FARS2: variants seen among roughly 807,000 people sequenced by gnomAD.
FARS2 encodes the protein phenylalanyl-tRNA synthetase 2, mitochondrial.
A neutral mutation model predicts 46.4 loss-of-function variants in FARS2; 40 were observed. That is an observed-to-expected ratio of 0.86 (90% confidence interval 0.67 to 1.12). FARS2 has a LOEUF of 1.12. Among genes scored for constraint, FARS2 ranks in the 50% most tolerant of loss-of-function variants. The pLI is 0.00. For synonymous variants in FARS2, 234 were observed against 214.9 expected (o/e 1.09, Z -0.78); for missense variants, 513 against 567.9 (o/e 0.90, Z 0.98).
chr6:5,757,892 CTG>C (rs1202048731), intron 6 of FARS2, among the ~76,000 whole-genome samples: 1 of 152,214 alleles, frequency 6.6e-6, no homozygotes, highest in Non-Finnish European at 1.5e-5. Context: ...TTTACCAACA[CTG>C]TGTGATGGCA....
chr6:5,303,927 G>C (rs1418747772), intron 1 of FARS2, among the ~76,000 whole-genome samples: 3 of 152,052 alleles, frequency 2.0e-5, no homozygotes, highest in Non-Finnish European at 4.4e-5. Flanking sequence ...AACACCTCCA[G>C]GTGGCTCTCC....
At chr6:5,270,461 T>C (rs1276583945) in intron 1 of FARS2, among the ~76,000 whole-genome samples, 7 of 152,350 alleles carry the variant, frequency 4.6e-5, no homozygotes, top group African/African-American at 1.4e-4. Flanking sequence ...ATAAGTGTGG[T>C]TCGCTAGAGC....
chr6:5,376,758 G>A (rs950586470), intron 2 of FARS2, among the ~76,000 whole-genome samples: 1 of 152,086 alleles, frequency 6.6e-6, no homozygotes, highest in Non-Finnish European at 1.5e-5. Context: ...AAACATGCCC[G>A]ACAATGTGTG....
rs1410021630 is a variant in FARS2 at position 5,343,742 on chromosome 6, G to A, written c.-21-24808G>A. Among the ~76,000 whole-genome samples, 1 of 152,204 alleles carries A rather than the reference G, an allele frequency of 6.6e-6. No homozygotes were observed. Among genetic ancestry groups the A allele is most frequent in the East Asian group, 1.9e-4 (1 of 5,200 alleles). On this transcript the variant is annotated intron_variant, in intron 1 of 6. Transcript: ENST00000274680. This position sits in a 1 kb window ranked among gnomAD's most constrained non-coding sequence, Gnocchi z 4.5. Reference sequence around the variant, plus strand: ...ATGGGTTCTGTCTAGGGATTCTCCTGTGGGAGGGAGAGGACCTTTGTCTTG... The same window carrying A: ...ATGGGTTCTGTCTAGGGATTCTCCTATGGGAGGGAGAGGACCTTTGTCTTG...
chr6:5,707,131 T>C (rs1295870183), intron 6 of FARS2, among the ~76,000 whole-genome samples: 6 of 152,230 alleles, frequency 3.9e-5, no homozygotes, highest in Non-Finnish European at 7.3e-5. Context: ...CATCATCTTG[T>C]TGCCATATTT....
intron 6 of FARS2, among the ~76,000 whole-genome samples, chr6:5,632,295 A>T (rs1776328152): frequency 6.6e-6 from 1 of 152,200 alleles, no homozygotes; most frequent in African/African-American, 2.4e-5. Flanking sequence ...AGGATATGCT[A>T]CAAATCTATT....
At chr6:5,305,577 A>G (rs55991641) in intron 1 of FARS2, among the ~76,000 whole-genome samples, 24,117 of 152,158 alleles carry the variant, frequency 0.16, 2,026 homozygotes, top group Middle Eastern at 0.21. Context: ...ATTGAATGAG[A>G]CCTCCTTGTT....
intron 6 of FARS2, among the ~76,000 whole-genome samples, chr6:5,756,607 A>G (rs866840773): frequency 1.1e-4 from 16 of 152,310 alleles, no homozygotes; most frequent in East Asian, 5.8e-4. Flanking sequence ...CCATCATCCA[A>G]TCACTTCCCA....
At chr6:5,599,460 G>T (rs1214257934) in intron 5 of FARS2, among the ~76,000 whole-genome samples, 1 of 152,048 alleles carries the variant, frequency 6.6e-6, no homozygotes, top group African/African-American at 2.4e-5. Flanking sequence ...TTATTTAACC[G>T]AAAAAAATGA....
chr6:5,269,353 G>T (rs1464755330), intron 1 of FARS2, among the ~76,000 whole-genome samples: 2 of 151,078 alleles, frequency 1.3e-5, no homozygotes, highest in Non-Finnish European at 2.9e-5. Flanking sequence ...TTGGGGGAGG[G>T]GGGAGGGATA....
intron 6 of FARS2, among the ~76,000 whole-genome samples, chr6:5,742,238 G>A (rs1392490284): frequency 6.6e-6 from 1 of 152,186 alleles, no homozygotes; most frequent in Non-Finnish European, 1.5e-5. Context: ...CATTTGGGGT[G>A]CAGCTTTCAC....
chr6:5,331,571 A>G (rs1439549087), intron 1 of FARS2, among the ~76,000 whole-genome samples: 3 of 152,164 alleles, frequency 2.0e-5, no homozygotes, highest in Admixed American at 2.0e-4. Flanking sequence ...TGCAATAACA[A>G]AGGTTTGATA....
At chr6:5,294,724 G>T (rs530244383) in intron 1 of FARS2, among the ~76,000 whole-genome samples, 1 of 152,188 alleles carries the variant, frequency 6.6e-6, no homozygotes, top group Non-Finnish European at 1.5e-5. Flanking sequence ...ACGGAGAGAC[G>T]TGCAGGGCAA....
intron 6 of FARS2, among the ~76,000 whole-genome samples, chr6:5,724,884 A>G (rs1159700931): frequency 6.6e-6 from 1 of 152,208 alleles, no homozygotes; most frequent in African/African-American, 2.4e-5. Context: ...TGTTAGGTCT[A>G]CTCTGTGTCC....
At chr6:5,678,857 T>C (rs1347565196) in intron 6 of FARS2, among the ~76,000 whole-genome samples, 3 of 152,252 alleles carry the variant, frequency 2.0e-5, no homozygotes, top group African/African-American at 4.8e-5. Flanking sequence ...GAATGAGCTC[T>C]GTAAATTTCC....
intron 5 of FARS2, among the ~76,000 whole-genome samples, chr6:5,569,784 G>A (rs1231050066): frequency 6.6e-6 from 1 of 152,142 alleles, no homozygotes; most frequent in African/African-American, 2.4e-5. Flanking sequence ...TATTGTTATG[G>A]GGGAGAGGTA....
intron 6 of FARS2, among the ~76,000 whole-genome samples, chr6:5,671,254 A>G (rs1455176978): frequency 6.6e-6 from 1 of 152,216 alleles, no homozygotes; most frequent in Non-Finnish European, 1.5e-5. Context: ...TACCTCAGAA[A>G]AATGAGGCTT....
At chr6:5,594,830 G>T (rs1343912570) in intron 5 of FARS2, among the ~76,000 whole-genome samples, 2 of 152,208 alleles carry the variant, frequency 1.3e-5, no homozygotes. Context: ...CCGATGCTGT[G>T]ATGTTGGGAA....
chr6:5,439,127 C>T (rs1261569180), intron 4 of FARS2, among the ~76,000 whole-genome samples: 1 of 152,106 alleles, frequency 6.6e-6, no homozygotes, highest in African/African-American at 2.4e-5. Flanking sequence ...TATTTTTGTC[C>T]ATCCTGTACT....
Sources: allele counts gnomAD v4.1 joint callset (sites outside exome capture counted in the v4.1 genomes callset), GRCh38; gene constraint gnomAD v4.1.1; non-coding constraint Gnocchi (gnomAD v3.1); transcripts MANE v1.5; gene names NCBI Gene and HGNC (gene_info 2026-07-23, HGNC 2026-07-21).